Variants in RBM5 observed in about 807,000 individuals in gnomAD.
RBM5 encodes RNA binding motif protein 5, also known as RNA-binding protein 5.
In RBM5, 15 loss-of-function variants were observed where a neutral mutation model predicts 124.6. The observed-to-expected ratio is 0.12, with a 90% CI of 0.08 to 0.19. The LOEUF is 0.19. Ranked by LOEUF, RBM5 falls within the 10% of genes least tolerant of loss-of-function variation. The pLI, the probability that RBM5 is intolerant of heterozygous loss-of-function variation, is 1.00. For missense variants in RBM5, 580 were observed against 1,026.5 expected (o/e 0.57, Z 5.94); for synonymous variants, 337 against 361.2 (o/e 0.93, Z 0.76).
At chr3:50,105,210 C>T in intron 9 of RBM5, 68 bp downstream of exon 9, 2 of 1,318,662 alleles carry the variant, frequency 1.5e-6, no homozygotes, top group Non-Finnish European at 2.2e-6. Flanking sequence ...AGATGGAGAC[C>T]ATCCTGGCTA....
At chr3:50,089,967 A>C (rs1042638513) in intron 1 of RBM5, 7 of 159,820 alleles carry the variant, frequency 4.4e-5, no homozygotes, top group Admixed American at 3.6e-4. Flanking sequence ...TTTGAATTTC[A>C]TGTTGCTCCT....
In RBM5 at chr3:50,090,466, T is replaced by A; in HGVS notation, c.17+15T>A. 1 of 1,613,804 alleles carries A rather than the reference T, an allele frequency of 6.2e-7. No homozygotes were observed. The highest frequency in any genetic ancestry group is 8.5e-7 in the Non-Finnish European group (1 of 1,179,806). ...TCAGACAAAAGGTAAGTTACTACAG[T>A]ACGTGGCTTTGATCTCAACATTTCA... On this transcript the variant is annotated intron_variant, in intron 2 of 24. Coordinates refer to ENST00000347869, the MANE Select transcript of RBM5 (RefSeq NM_005778.4).
At chr3:50,090,576 A>T (rs112198066) in intron 2 of RBM5, 125 bp downstream of exon 2, 7 of 1,081,722 alleles carry the variant, frequency 6.5e-6, no homozygotes, top group Non-Finnish European at 8.3e-6. Flanking sequence ...GAACACCTTT[A>T]TGATCCTGTT....
chr3:50,105,460 AT>A, intron 9 of RBM5, 88 bp from the exon 10 acceptor site: 1 of 1,329,654 alleles, frequency 7.5e-7, no homozygotes. Context: ...TCACAAATGG[AT>A]TTGTATGTAC....
chr3:50,118,391 G>C lies in RBM5; in HGVS notation c.2383G>C (p.Gly795Arg). ...GAKGSAYGLSGADSYKDAVRK... is the reference protein window; with the variant it reads ...GAKGSAYGLSRADSYKDAVRK... The stretch of plus-strand genomic sequence containing the variant: ...CAAAGGCAGCGCATATGGTTTGTCG[G>C]GCGCCGATTCCTACAAAGATGCTGT... Residue 795 changes from glycine to arginine, a missense_variant, in exon 25 of 25, where the codon GGC (glycine) becomes CGC (arginine). By Grantham distance (125) the Gly-to-Arg change is moderately radical. This residue lies in a region of RBM5 where 234 missense variants were observed against 435.1 expected (regional missense o/e 0.54). Transcript: ENST00000347869. The C allele has an allele frequency of 1.2e-6, 2 of 1,614,154 alleles. No homozygotes were observed. Among genetic ancestry groups the C allele is most frequent in the Non-Finnish European group, 1.7e-6 (2 of 1,180,036 alleles).
Position 50,110,785 on chromosome 3 carries a change from TTCC to T in RBM5, c.1455+21_1455+23del. 6.3e-7 allele frequency: 1 copy of T among 1,580,488 alleles called. No homozygotes were observed. Among genetic ancestry groups the T allele is most frequent in the South Asian group, 1.1e-5 (1 of 89,100 alleles). On this transcript the variant is annotated intron_variant, in intron 17 of 24. Coordinates refer to ENST00000347869, the MANE Select transcript of RBM5 (RefSeq NM_005778.4). Reference sequence around the variant, plus strand: ...CCAACTCGCAAGTAAATGTGCTGCTTTCCTCCTCAATTTCACTAGAAGTAGTTT... The same window carrying T: ...CCAACTCGCAAGTAAATGTGCTGCTTTCCTCAATTTCACTAGAAGTAGTTT...
Position 50,118,471 on chromosome 3 carries a change from G to A in RBM5, c.*15G>A. The A allele has an allele frequency of 6.2e-7, 1 of 1,611,636 alleles. No homozygotes were observed. The highest frequency in any genetic ancestry group is 8.5e-7 in the Non-Finnish European group (1 of 1,178,974). ...AGATGGAGTGAGAGAGAGAGAGAGA[G>A]AGAGATGACAAGGAGCACAAGAAGT... is the stretch of plus-strand genomic sequence containing the variant. On this transcript the variant is annotated 3_prime_UTR_variant, in exon 25 of 25. Coordinates refer to ENST00000347869, the MANE Select transcript of RBM5 (RefSeq NM_005778.4).
chr3:50,108,827 T>C (rs2091088208), intron 14 of RBM5, among the ~76,000 whole-genome samples: 1 of 152,118 alleles, frequency 6.6e-6, no homozygotes, highest in Non-Finnish European at 1.5e-5. Flanking sequence ...TTAGAGACCA[T>C]GTTGTGATGA....
At chr3:50,099,114 G>T (rs139449477) in intron 4 of RBM5, among the ~76,000 whole-genome samples, 2 of 152,178 alleles carry the variant, frequency 1.3e-5, no homozygotes, top group East Asian at 3.9e-4. Flanking sequence ...AATTAACCAG[G>T]TGTGGTGGTG....
At position 50,106,750 on chromosome 3, in the gene RBM5, T is replaced by A; in HGVS notation, c.856-17T>A. On this transcript the variant is annotated splice_polypyrimidine_tract_variant and intron_variant, in intron 10 of 24. Transcript: ENST00000347869. ...TTAATTGCATTACACGTTTTTTTCCTTCACATTCTCCTTCAGGATGCTTCT... is the reference window on the plus strand; with the variant it reads ...TTAATTGCATTACACGTTTTTTTCCATCACATTCTCCTTCAGGATGCTTCT... 1 of 1,561,622 alleles carries A rather than the reference T, an allele frequency of 6.4e-7. No homozygotes were observed. Among genetic ancestry groups the A allele is most frequent in the Non-Finnish European group, 8.8e-7 (1 of 1,133,000 alleles).
At position 50,118,641 on chromosome 3, in the gene RBM5, A is replaced by T. The variant is rs534175891; in HGVS notation, c.*185A>T. The T allele has an allele frequency of 2.2e-6, 2 of 914,388 alleles. No homozygotes were observed. The highest frequency in any genetic ancestry group is 5.4e-5 in the East Asian group (2 of 37,296). The allele number at this position is 914,388 out of a possible 1,614,324, so 56.6% of individuals were successfully genotyped here. A position where few individuals can be genotyped will look rare whatever the true frequency, so the allele number is the denominator to read the frequency against. On this transcript the variant is annotated 3_prime_UTR_variant, in exon 25 of 25. Coordinates refer to ENST00000347869, the MANE Select transcript of RBM5 (RefSeq NM_005778.4). ...TTCCCCTTATGTGGGTTGCCTGGTGAATGGCCTTCCTTCCCGCCAGAGGGC... is the reference window on the plus strand; with the variant it reads ...TTCCCCTTATGTGGGTTGCCTGGTGTATGGCCTTCCTTCCCGCCAGAGGGC...
intron 17 of RBM5, among the ~76,000 whole-genome samples, chr3:50,111,813 A>G (rs2091149438): frequency 6.6e-6 from 1 of 152,170 alleles, no homozygotes; most frequent in Non-Finnish European, 1.5e-5. Context: ...TTTTGGTGGC[A>G]TATATAACTT....
intron 3 of RBM5, 128 bp from the exon 4 acceptor site, chr3:50,093,592 T>C: frequency 1.9e-6 from 2 of 1,038,502 alleles, no homozygotes; most frequent in Non-Finnish European, 2.7e-6. Flanking sequence ...AAAATTGCAG[T>C]GAACATTACC....
chr3:50,114,455 G>A, intron 20 of RBM5: 1 of 533,366 alleles, frequency 1.9e-6, no homozygotes, highest in Non-Finnish European at 3.2e-6. Flanking sequence ...GATGAAAGAA[G>A]CTTCAATTCC....
chr3:50,101,921 T>A (rs978532917), intron 6 of RBM5: 9 of 152,200 alleles, frequency 5.9e-5, no homozygotes, highest in Non-Finnish European at 1.3e-4. Context: ...AGCTTTTTTA[T>A]TTTTGCTTCT....
At chr3:50,107,598 T>C in intron 12 of RBM5, 29 bp downstream of exon 12, 1 of 1,536,298 alleles carries the variant, frequency 6.5e-7, no homozygotes, top group Non-Finnish European at 9.0e-7. Context: ...TTGCTCAAGG[T>C]AGTGTGGTGG....
At chr3:50,092,590 T>G (rs2090724219) in intron 3 of RBM5, among the ~76,000 whole-genome samples, 1 of 149,922 alleles carries the variant, frequency 6.7e-6, no homozygotes, top group Admixed American at 6.6e-5. Flanking sequence ...AAAGAAATAA[T>G]GGCCAGGGTT....
intron 7 of RBM5, among the ~76,000 whole-genome samples, chr3:50,103,539 C>T (rs574211173): frequency 1.3e-4 from 20 of 152,180 alleles, no homozygotes; most frequent in South Asian, 2.1e-4. Flanking sequence ...CCCAGCTACT[C>T]GGAGGTTGAG....
chr3:50,107,443 C>A, intron 11 of RBM5, 39 bp from the exon 12 acceptor site: 1 of 1,459,830 alleles, frequency 6.9e-7, no homozygotes, highest in Non-Finnish European at 9.6e-7. Flanking sequence ...TGTGGGAATA[C>A]TGTGATAGAA....
Sources: gnomAD v4.1 joint callset for allele counts (sites outside exome capture counted in the v4.1 genomes callset) on GRCh38, gnomAD v4.1.1 for gene constraint, gnomAD v4.1.1 regional missense constraint, MANE v1.5 for transcripts, NCBI Gene and HGNC (gene_info 2026-07-23, HGNC 2026-07-21) for gene names.